The following PUDP variants were observed in gnomAD, a reference collection of about 807,000 sequenced individuals.
The protein encoded by PUDP is pseudouridine 5'-phosphatase.
In PUDP, 8 loss-of-function variants were observed where a neutral mutation model predicts 9.4. The observed-to-expected ratio is 0.85, with a 90% CI of 0.50 to 1.53. The LOEUF (loss-of-function observed/expected upper bound fraction) is 1.53, where lower values mean the gene tolerates loss of function less well. Ranked by LOEUF, PUDP falls within the 40% of genes most tolerant of loss-of-function variation. PUDP has a pLI of 0.00. For synonymous variants in PUDP, 99 were observed against 80.7 expected, an observed-to-expected ratio of 1.23 and a Z score of -1.22; for missense variants, 188 against 189.7, an observed-to-expected ratio of 0.99 and a Z score of 0.05.
chrX:6,751,047 C>G (rs1334762130), intron 3 of PUDP, among the ~76,000 whole-genome samples: 1 of 109,991 alleles, frequency 9.1e-6, no homozygotes, highest in South Asian at 4.0e-4. Context: ...GAGGCTGAGG[C>G]AGGAGAATGG....
At chrX:6,733,201 TA>T (rs1924831936) in intron 3 of PUDP, among the ~76,000 whole-genome samples, 2 of 111,333 alleles carry the variant, frequency 1.8e-5, no homozygotes. Flanking sequence ...CGGGATTAAG[TA>T]AGGCTTTTAA....
At chrX:7,045,938 CA>C (rs1351744509), downstream of PUDP, among the ~76,000 whole-genome samples, 2 of 111,807 alleles carry the variant, frequency 1.8e-5, no homozygotes, top group African/African-American at 6.5e-5. Flanking sequence ...ATTGAATATG[CA>C]GTGAAATGCA....
At chrX:6,782,556 C>A (rs1255756687) in intron 3 of PUDP, among the ~76,000 whole-genome samples, 1 of 111,142 alleles carries the variant, frequency 9.0e-6, no homozygotes, top group African/African-American at 3.3e-5. Context: ...GGCTACAGAG[C>A]AAGACTCCAT....
intron 3 of PUDP, among the ~76,000 whole-genome samples, chrX:7,058,780 A>G (rs1837524820): frequency 9.0e-6 from 1 of 111,712 alleles, no homozygotes; most frequent in Non-Finnish European, 1.9e-5. Context: ...TTTTGTTTAT[A>G]TTATTCATCA....
intron 3 of PUDP, among the ~76,000 whole-genome samples, chrX:6,742,303 C>A (rs1924949811): frequency 8.9e-6 from 1 of 112,594 alleles, no homozygotes; most frequent in African/African-American, 3.2e-5. Context: ...TGCCCACAGG[C>A]CAAATCTGGC....
downstream of PUDP, among the ~76,000 whole-genome samples, chrX:7,046,365 GGA>G (rs1929983932): frequency 8.9e-6 from 1 of 112,095 alleles, no homozygotes; most frequent in African/African-American, 3.2e-5. Flanking sequence ...TACAAGCCAA[GGA>G]GAGAGGCCTG....
chrX:7,092,721 C>T lies in PUDP; in HGVS notation c.280+12899G>A, dbSNP rs144788335. Among the ~76,000 whole-genome samples, 28 of 111,823 alleles carry T rather than the reference C, an allele frequency of 2.5e-4. 1 individual carries two copies. The East Asian group carries it at 7.7e-3, about 31-fold the overall frequency. ...AGGCGTGGTGCGAGGTACTCCTGAC[C>T]TCACTCAAACCTGCCCATGACACTG... is the stretch of plus-strand genomic sequence containing the variant. On this transcript the variant is annotated intron_variant, in intron 2 of 3. Transcript: ENST00000381077.
At chrX:7,127,950 G>A (rs1401827824) in intron 1 of PUDP, among the ~76,000 whole-genome samples, 3 of 112,328 alleles carry the variant, frequency 2.7e-5, no homozygotes, top group African/African-American at 9.7e-5. Context: ...GTAAGTGTGA[G>A]TTAACAGTAT....
At chrX:6,770,448 A>C (rs1388533062) in intron 3 of PUDP, among the ~76,000 whole-genome samples, 1 of 112,644 alleles carries the variant, frequency 8.9e-6, no homozygotes, top group African/African-American at 3.2e-5. Flanking sequence ...CCATGCAGGC[A>C]GATAGGGATG....
At chrX:7,098,958 C>T (rs1002526130) in intron 2 of PUDP, among the ~76,000 whole-genome samples, 1 of 110,949 alleles carries the variant, frequency 9.0e-6, no homozygotes, top group Non-Finnish European at 1.9e-5. Context: ...GGAGAGCCGG[C>T]CAGGCTGAGG....
chrX:7,083,572 T>C (rs192634639), intron 2 of PUDP, among the ~76,000 whole-genome samples: 1 of 111,012 alleles, frequency 9.0e-6, no homozygotes, highest in African/African-American at 3.3e-5. Context: ...GGGCAGGTGG[T>C]GGACAGACGG....
Position 7,105,837 on chromosome X carries a change from A to G in PUDP, c.63T>C (p.Asp21=). Residue 21 remains aspartate, a splice_region_variant and synonymous_variant, in exon 2 of 4, where the codon GAT becomes GAC. Transcript: ENST00000381077. ...LIFDMDGLLL[D]TERLYSVVFQ... ...ACACCACTGAATACAGCCGTTCAGT[A>G]TCTGCAGGAAAAAAAAAAGAGATTT... 1.7e-6 allele frequency: 2 copies of G among 1,162,697 alleles called. No individual in the cohort carries two copies. Among genetic ancestry groups the G allele is most frequent in the Middle Eastern group, 2.4e-4 (1 of 4,163 alleles).
At chrX:6,903,467 A>G (rs1486838417) in intron 3 of PUDP, among the ~76,000 whole-genome samples, 1 of 111,620 alleles carries the variant, frequency 9.0e-6, no homozygotes. Context: ...AGAAATCACT[A>G]TATAAAAAAG....
intron 1 of PUDP, among the ~76,000 whole-genome samples, chrX:6,998,956 G>T (rs1172428657): frequency 1.8e-5 from 2 of 111,516 alleles, no homozygotes; most frequent in Non-Finnish European, 3.8e-5. Context: ...GGTGGGGAAA[G>T]GGTGGGGAAT....
intron 3 of PUDP, among the ~76,000 whole-genome samples, chrX:6,953,541 T>C (rs906125001): frequency 9.1e-5 from 10 of 109,952 alleles, no homozygotes; most frequent in Admixed American, 6.8e-4. Context: ...AGAGAGGAAG[T>C]CATAAAATAG....
At chrX:6,994,370 A>C (rs995897677) in intron 1 of PUDP, among the ~76,000 whole-genome samples, 1 of 112,465 alleles carries the variant, frequency 8.9e-6, no homozygotes, top group Middle Eastern at 4.6e-3. Context: ...GCACTACTGC[A>C]TTCCAGCCTG....
chrX:6,941,392 G>C (rs1025605522), intron 3 of PUDP, among the ~76,000 whole-genome samples: 2 of 93,644 alleles, frequency 2.1e-5, no homozygotes, highest in African/African-American at 8.1e-5. Flanking sequence ...CCAGGCTGGA[G>C]TGCAGTGACA....
At chrX:6,956,832 T>C (rs1928635645) in intron 3 of PUDP, among the ~76,000 whole-genome samples, 1 of 111,529 alleles carries the variant, frequency 9.0e-6, no homozygotes. Flanking sequence ...CCATTCTTAA[T>C]GGCAGGAGTC....
At chrX:7,127,206 T>C (rs2146922476) in intron 1 of PUDP, among the ~76,000 whole-genome samples, 1 of 112,013 alleles carries the variant, frequency 8.9e-6, no homozygotes, top group African/African-American at 3.2e-5. Context: ...TCACTCACAT[T>C]CTCAAAGAGC....
Sources: allele counts gnomAD v4.1 joint callset (sites outside exome capture counted in the v4.1 genomes callset), GRCh38; gene constraint gnomAD v4.1.1; transcripts MANE v1.5; gene names NCBI Gene and HGNC (gene_info 2026-07-23, HGNC 2026-07-21).